The following MAGI3 variants were observed in gnomAD, a reference collection of about 807,000 sequenced individuals.
The protein encoded by MAGI3 is membrane-associated guanylate kinase, WW and PDZ domain-containing protein 3.
In MAGI3, 43 loss-of-function variants were observed where a neutral mutation model predicts 121.8. The ratio of observed to expected loss-of-function variants is 0.35; its 90% confidence interval spans 0.28 to 0.46. The LOEUF is 0.46. Ranked by LOEUF, MAGI3 falls within the 20% of genes least tolerant of loss-of-function variation. The pLI is 1.00. For missense variants in MAGI3, 1,547 were observed against 1,797.3 expected, an observed-to-expected ratio of 0.86 and a Z score of 2.52; for synonymous variants, 553 against 639.3, an observed-to-expected ratio of 0.86 and a Z score of 2.04.
intron 2 of MAGI3, among the ~76,000 whole-genome samples, chr1:113,565,700 T>C (rs1217209): frequency 0.99 from 150,504 of 152,352 alleles, 74,376 homozygotes; most frequent in East Asian, 1. Context: ...GAACTCAACT[T>C]ATAGGATTTA....
chr1:113,465,566 G>A (rs1361262509), intron 1 of MAGI3, among the ~76,000 whole-genome samples: 1 of 151,940 alleles, frequency 6.6e-6, no homozygotes, highest in Non-Finnish European at 1.5e-5. Context: ...GTTAGAAATA[G>A]CATTGAATCT....
intron 2 of MAGI3, among the ~76,000 whole-genome samples, chr1:113,559,842 A>G (rs1660150303): frequency 6.6e-6 from 1 of 152,150 alleles, no homozygotes; most frequent in African/African-American, 2.4e-5. Flanking sequence ...AAGTCCTGTG[A>G]TTACAGGCAT....
At chr1:113,447,026 A>G (rs1271971978) in intron 1 of MAGI3, among the ~76,000 whole-genome samples, 1 of 152,212 alleles carries the variant, frequency 6.6e-6, no homozygotes, top group Non-Finnish European at 1.5e-5. Flanking sequence ...TTAGTATTTA[A>G]TGGGTAAACA....
intron 1 of MAGI3, among the ~76,000 whole-genome samples, chr1:113,491,560 C>A (rs1412792931): frequency 6.6e-6 from 1 of 151,964 alleles, no homozygotes; most frequent in East Asian, 1.9e-4. Flanking sequence ...ACATGAAAAA[C>A]CATTCAAAAG....
At position 113,629,759 on chromosome 1, in the gene MAGI3, T is replaced by TCCCTCTCCCTCTCC. The variant is rs1335092471; in HGVS notation, c.1360+6766_1360+6767insCCTCTCCCTCTCCC. On this transcript the variant is annotated intron_variant, in intron 9 of 20. Coordinates refer to ENST00000307546, the MANE Select transcript of MAGI3 (RefSeq NM_001142782.2). ...CTCTCTCTCTCTCTCTCTCTCTCTCTCTCCCTCCCTCCCTCCCTCCCTCCC... is the reference window on the plus strand; with the variant it reads ...CTCTCTCTCTCTCTCTCTCTCTCTCTCCCTCTCCCTCTCCCTCCCTCCCTCCCTCCCTCCCTCCC... 2.2e-3 allele frequency among the ~76,000 whole-genome samples: 179 copies of TCCCTCTCCCTCTCC among 80,548 alleles called. 5 individuals are homozygous for TCCCTCTCCCTCTCC. The highest frequency in any genetic ancestry group is 6.3e-3 in the African/African-American group (166 of 26,554). 52.8% of individuals were successfully genotyped at this position (80,548 alleles called of 152,430 possible).
At position 113,684,321 on chromosome 1, in the gene MAGI3, A is replaced by G. The variant is rs115474506; in HGVS notation, c.*307A>G. 1.6e-3 allele frequency: 319 copies of G among 203,700 alleles called. 3 individuals are homozygous for G. The highest frequency in any genetic ancestry group is 7.1e-3 in the African/African-American group (306 of 42,970). The allele number at this position is 203,700 out of a possible 1,614,324, so 12.6% of individuals were successfully genotyped here. On this transcript the variant is annotated 3_prime_UTR_variant, in exon 21 of 21. Coordinates refer to ENST00000307546, the MANE Select transcript of MAGI3 (RefSeq NM_001142782.2). ...CAAATGACATATGTTGATATTAACA[A>G]TGTGGTCACAACTCACTTTGTATTT...
At chr1:113,444,584 C>T (rs1043528595) in intron 1 of MAGI3, among the ~76,000 whole-genome samples, 1 of 152,018 alleles carries the variant, frequency 6.6e-6, no homozygotes, top group African/African-American at 2.4e-5. Context: ...CCAATCAAGA[C>T]AAAAACAATA....
intron 6 of MAGI3, among the ~76,000 whole-genome samples, chr1:113,609,689 T>C (rs183318195): frequency 3.2e-3 from 489 of 152,312 alleles, no homozygotes; most frequent in Non-Finnish European, 5.4e-3. Context: ...GAGAAAATAA[T>C]TGTAATTCTT....
At chr1:113,410,844 A>T (rs1191345248) in intron 1 of MAGI3, among the ~76,000 whole-genome samples, 7 of 152,078 alleles carry the variant, frequency 4.6e-5, no homozygotes, top group Admixed American at 4.6e-4. Context: ...GCTATAGGTG[A>T]TTGGTTCTGT....
At chr1:113,630,624 A>G (rs1651565222) in intron 9 of MAGI3, among the ~76,000 whole-genome samples, 1 of 152,122 alleles carries the variant, frequency 6.6e-6, no homozygotes. Context: ...TTACCTGGGT[A>G]TTGCTATTGG....
At chr1:113,466,534 T>C (rs1035587509) in intron 1 of MAGI3, among the ~76,000 whole-genome samples, 2 of 152,144 alleles carry the variant, frequency 1.3e-5, no homozygotes, top group Non-Finnish European at 2.9e-5. Context: ...TCTGGTTCAA[T>C]TTTTTGAGTA....
intron 1 of MAGI3, among the ~76,000 whole-genome samples, chr1:113,479,008 G>A (rs1655987664): frequency 6.6e-6 from 1 of 152,184 alleles, no homozygotes; most frequent in Non-Finnish European, 1.5e-5. Flanking sequence ...ATCTCAGACT[G>A]CTGTGCTAGC....
At chr1:113,437,850 T>C (rs56297653) in intron 1 of MAGI3, among the ~76,000 whole-genome samples, 1,083 of 59,968 alleles carry the variant, frequency 0.018, 32 homozygotes, top group Middle Eastern at 0.045. Flanking sequence ...TTCTTCTTCT[T>C]CTTCTTCTTC....
chr1:113,664,965 C>T (rs1653959700), intron 16 of MAGI3, among the ~76,000 whole-genome samples: 1 of 152,072 alleles, frequency 6.6e-6, no homozygotes, highest in African/African-American at 2.4e-5. Flanking sequence ...CCATGGTACC[C>T]TTTATTATAC....
chr1:113,462,003 A>T lies in MAGI3; in HGVS notation c.316+70654A>T, dbSNP rs191511454. On this transcript the variant is annotated intron_variant, in intron 1 of 20. Coordinates refer to ENST00000307546, the MANE Select transcript of MAGI3 (RefSeq NM_001142782.2). ...ACTGATCATTAGAGAAATGCAAATT[A>T]AAATCACAGTGAGATACCATCTCAT... Among the ~76,000 whole-genome samples the T allele has an allele frequency of 2.1e-3, 314 of 152,368 alleles. 4 individuals are homozygous for T. The highest frequency in any genetic ancestry group is 7.3e-3 in the African/African-American group (305 of 41,580).
At chr1:113,503,105 T>G (rs1657103840) in intron 1 of MAGI3, among the ~76,000 whole-genome samples, 3 of 94,890 alleles carry the variant, frequency 3.2e-5, no homozygotes, top group Non-Finnish European at 6.0e-5. Context: ...CATTGGGAGA[T>G]ATACCTAATG....
At chr1:113,643,709 C>G in intron 10 of MAGI3, 34 bp from the exon 11 acceptor site, 2 of 1,609,296 alleles carry the variant, frequency 1.2e-6, no homozygotes, top group Non-Finnish European at 1.7e-6. Context: ...AATGCATCCT[C>G]TGGTTTTAAA....
chr1:113,417,729 T>A (rs1362617082), intron 1 of MAGI3, among the ~76,000 whole-genome samples: 1 of 152,158 alleles, frequency 6.6e-6, no homozygotes, highest in African/African-American at 2.4e-5. Flanking sequence ...ATCACACTAT[T>A]ATAACTGATA....
chr1:113,638,647 G>A (rs1043041754), intron 9 of MAGI3, among the ~76,000 whole-genome samples: 1 of 152,214 alleles, frequency 6.6e-6, no homozygotes, highest in Non-Finnish European at 1.5e-5. Flanking sequence ...CCTACTGGGG[G>A]GTGCCTCCCA....
Sources: allele counts gnomAD v4.1 joint callset (sites outside exome capture counted in the v4.1 genomes callset), GRCh38; gene constraint gnomAD v4.1.1; transcripts MANE v1.5; gene names NCBI Gene and HGNC (gene_info 2026-07-23, HGNC 2026-07-21).